The following NECAB1 variants were observed in gnomAD, a reference collection of about 807,000 sequenced individuals.
NECAB1 encodes the protein N-terminal EF-hand calcium-binding protein 1.
NECAB1 carries 29 observed loss-of-function variants against 57.5 expected under a neutral mutation model. The observed-to-expected ratio is 0.50, with a 90% CI of 0.38 to 0.69. The LOEUF (loss-of-function observed/expected upper bound fraction) is 0.69, where lower values mean the gene tolerates loss of function less well. Among genes scored for constraint, NECAB1 ranks in the 30% least tolerant of loss-of-function variants. The pLI is 0.00. For missense variants in NECAB1, 372 were observed against 413.8 expected (o/e 0.90, Z 0.88); for synonymous variants, 142 against 147.7 (o/e 0.96, Z 0.28).
chr8:90,913,373 AT>A (rs34906523), intron 5 of NECAB1, among the ~76,000 whole-genome samples: 3 of 40,278 alleles, frequency 7.4e-5, no homozygotes, highest in African/African-American at 1.1e-3. Context: ...AATAATTATC[AT>A]GACACGAATG....
intron 4 of NECAB1, among the ~76,000 whole-genome samples, chr8:90,874,394 A>C (rs1228179101): frequency 6.6e-6 from 1 of 152,196 alleles, no homozygotes; most frequent in Non-Finnish European, 1.5e-5. Context: ...ATGTGTTTGT[A>C]ATTTTAATTG....
At chr8:90,807,560 C>T (rs573756220) in intron 2 of NECAB1, among the ~76,000 whole-genome samples, 2 of 152,298 alleles carry the variant, frequency 1.3e-5, no homozygotes, top group South Asian at 2.1e-4. Context: ...ATCACCACCC[C>T]GCACTGTGCT....
At chr8:90,882,588 C>T (rs999682078) in intron 5 of NECAB1, among the ~76,000 whole-genome samples, 1 of 152,054 alleles carries the variant, frequency 6.6e-6, no homozygotes, top group Non-Finnish European at 1.5e-5. Context: ...CTTCTTGTTG[C>T]TCTTCAAGTC....
rs1811082680 is a variant in NECAB1, at chr8:90,958,941, A to G, written c.*3429A>G. ...AAATTGAATTGTCACAGTCCATTACAGTTATTGTTGCTAGATCCACCTCAT... is the reference window on the plus strand; with the variant it reads ...AAATTGAATTGTCACAGTCCATTACGGTTATTGTTGCTAGATCCACCTCAT... On this transcript the variant is annotated 3_prime_UTR_variant, in exon 13 of 13. Coordinates refer to ENST00000417640, the MANE Select transcript of NECAB1 (RefSeq NM_022351.5). 2.2e-6 allele frequency: 2 copies of G among 920,394 alleles called. No homozygotes were observed. Among genetic ancestry groups the G allele is most frequent in the Non-Finnish European group, 3.2e-6 (2 of 616,080 alleles). 57.0% of individuals were successfully genotyped at this position (920,394 alleles called of 1,614,324 possible).
At chr8:90,909,043 A>T (rs555863450) in intron 5 of NECAB1, among the ~76,000 whole-genome samples, 1 of 152,158 alleles carries the variant, frequency 6.6e-6, no homozygotes, top group Non-Finnish European at 1.5e-5. Context: ...CTGATTGCCA[A>T]TCATGGTACA....
At chr8:90,901,360 C>T (rs1396078753) in intron 5 of NECAB1, among the ~76,000 whole-genome samples, 1 of 152,174 alleles carries the variant, frequency 6.6e-6, no homozygotes, top group Non-Finnish European at 1.5e-5. Flanking sequence ...TTCCTTCCAG[C>T]GGTGCCCTCA....
chr8:90,882,214 A>T (rs907826462), intron 5 of NECAB1, among the ~76,000 whole-genome samples: 1 of 152,194 alleles, frequency 6.6e-6, no homozygotes, highest in African/African-American at 2.4e-5. Flanking sequence ...ATATAGAGGA[A>T]TAGGATCAGA....
intron 2 of NECAB1, among the ~76,000 whole-genome samples, chr8:90,809,982 A>G (rs746273077): frequency 3.3e-5 from 5 of 152,336 alleles, no homozygotes; most frequent in Middle Eastern, 3.4e-3. Flanking sequence ...AATCTGTATA[A>G]CAATATTGCA....
intron 2 of NECAB1, chr8:90,812,908 TG>T (rs2129676439): frequency 7.2e-6 from 1 of 139,052 alleles, no homozygotes; most frequent in African/African-American, 2.7e-5. Flanking sequence ...TACTTACTTG[TG>T]GCAGGGCGCG....
chr8:90,953,847 T>C (rs745390562), intron 12 of NECAB1, among the ~76,000 whole-genome samples: 7 of 152,132 alleles, frequency 4.6e-5, no homozygotes, highest in Non-Finnish European at 1.0e-4. Flanking sequence ...GGTGGGCAGA[T>C]GACCTGAGGA....
chr8:90,875,311 C>T (rs1808696810), intron 4 of NECAB1, among the ~76,000 whole-genome samples: 1 of 150,680 alleles, frequency 6.6e-6, no homozygotes, highest in East Asian at 2.0e-4. Context: ...GAAACCCCGT[C>T]TCTACTAAAA....
rs145234519 is a variant in NECAB1, at chr8:90,880,281, T to C, written c.260-752T>C. Among the ~76,000 whole-genome samples the C allele has an allele frequency of 2.6e-4, 39 of 152,280 alleles. No homozygotes were observed. In the East Asian group the frequency reaches 7.5e-3, roughly 29 times the overall value. ...TCACAGGAATGGTGAGGACTATTCATGTTTTAGTGTCTGAAAACCCTAGAT... is the reference window on the plus strand; with the variant it reads ...TCACAGGAATGGTGAGGACTATTCACGTTTTAGTGTCTGAAAACCCTAGAT... On this transcript the variant is annotated intron_variant, in intron 4 of 12. Transcript: ENST00000417640.
At chr8:90,866,557 G>T (rs1397240458) in intron 3 of NECAB1, among the ~76,000 whole-genome samples, 1 of 152,086 alleles carries the variant, frequency 6.6e-6, no homozygotes, top group Admixed American at 6.5e-5. Flanking sequence ...TTCATAATTA[G>T]GTTCACAGTG....
chr8:90,926,246 A>G (rs1166082220), intron 7 of NECAB1, among the ~76,000 whole-genome samples: 1 of 152,248 alleles, frequency 6.6e-6, no homozygotes, highest in Non-Finnish European at 1.5e-5. Flanking sequence ...GCATGCATAT[A>G]TACATGCACA....
chr8:90,865,259 A>G (rs922759374), intron 3 of NECAB1, among the ~76,000 whole-genome samples: 1 of 152,142 alleles, frequency 6.6e-6, no homozygotes, highest in Admixed American at 6.6e-5. Context: ...TCTCTCATAC[A>G]TGAGGTACTG....
intron 5 of NECAB1, among the ~76,000 whole-genome samples, chr8:90,889,121 C>T (rs58405564): frequency 0.066 from 10,019 of 152,120 alleles, 831 homozygotes; most frequent in African/African-American, 0.19. Flanking sequence ...GACCACTTAG[C>T]TTTATTTTAT....
At chr8:90,825,902 C>A (rs1418125335) in intron 3 of NECAB1, among the ~76,000 whole-genome samples, 1 of 151,752 alleles carries the variant, frequency 6.6e-6, no homozygotes, top group African/African-American at 2.4e-5. Context: ...ATTGGTGGTA[C>A]AACATGGAAC....
chr8:90,833,192 A>G (rs1002099448), intron 3 of NECAB1, among the ~76,000 whole-genome samples: 2 of 151,964 alleles, frequency 1.3e-5, no homozygotes, highest in Non-Finnish European at 2.9e-5. Flanking sequence ...ATCATCATCT[A>G]CTTTTAGACT....
At chr8:90,874,274 G>T (rs934923155) in intron 4 of NECAB1, among the ~76,000 whole-genome samples, 3 of 152,154 alleles carry the variant, frequency 2.0e-5, no homozygotes, top group Non-Finnish European at 4.4e-5. Flanking sequence ...TTCTTTCCTA[G>T]AAGCCAATTA....
Sources: gnomAD v4.1 joint callset for allele counts (sites outside exome capture counted in the v4.1 genomes callset) on GRCh38, gnomAD v4.1.1 for gene constraint, MANE v1.5 for transcripts, NCBI Gene and HGNC (gene_info 2026-07-23, HGNC 2026-07-21) for gene names.